Variants in KCNT2 observed in about 807,000 individuals in gnomAD.
KCNT2 encodes potassium channel subfamily T member 2.
Under a neutral mutation model 153.8 loss-of-function variants are expected in KCNT2, and 67 were observed. The observed-to-expected ratio is 0.44, with a 90% CI of 0.36 to 0.53. The LOEUF (loss-of-function observed/expected upper bound fraction) is 0.53, where lower values mean the gene tolerates loss of function less well. Ranked by LOEUF, KCNT2 falls within the 20% of genes least tolerant of loss-of-function variation. The probability of loss-of-function intolerance (pLI) is 0.00; values close to 1 mark genes in which losing one functional copy is unlikely to be tolerated. For missense variants in KCNT2, 975 were observed against 1,354.8 expected (o/e 0.72, Z 4.40); for synonymous variants, 500 against 458.8 (o/e 1.09, Z -1.15).
chr1:196,573,950 GGA>G (rs372397810), intron 1 of KCNT2, among the ~76,000 whole-genome samples: 14 of 150,392 alleles, frequency 9.3e-5, no homozygotes, highest in Admixed American at 5.3e-4. Context: ...TCTTGAAGGG[GGA>G]GAGAGAGAGA....
chr1:196,364,100 A>T (rs932811135), intron 14 of KCNT2, among the ~76,000 whole-genome samples: 28 of 152,140 alleles, frequency 1.8e-4, no homozygotes, highest in Non-Finnish European at 4.1e-4. Flanking sequence ...GAAAAAAAAT[A>T]AAATTCAAAT....
intron 1 of KCNT2, among the ~76,000 whole-genome samples, chr1:196,553,126 G>A (rs1572808151): frequency 6.6e-6 from 1 of 150,812 alleles, no homozygotes; most frequent in Admixed American, 6.6e-5. Context: ...CAGAGTGCCT[G>A]AATAGATGAA....
At chr1:196,325,161 T>C (rs1663715155) in intron 19 of KCNT2, among the ~76,000 whole-genome samples, 1 of 152,082 alleles carries the variant, frequency 6.6e-6, no homozygotes, top group Non-Finnish European at 1.5e-5. Flanking sequence ...GGTTTACACA[T>C]CAGGACAAGA....
intron 1 of KCNT2, among the ~76,000 whole-genome samples, chr1:196,523,072 A>G (rs1160774458): frequency 2.0e-5 from 3 of 152,132 alleles, no homozygotes; most frequent in Non-Finnish European, 2.9e-5. Flanking sequence ...TACCTTTTTG[A>G]GCTGTAACAC....
chr1:196,415,936 C>T (rs944062117), intron 12 of KCNT2, among the ~76,000 whole-genome samples: 4 of 152,040 alleles, frequency 2.6e-5, no homozygotes, highest in Non-Finnish European at 5.9e-5. Context: ...ACAGTTTTGC[C>T]TTCCCACAGT....
At chr1:196,257,215 A>G in intron 26 of KCNT2, 2 of 983,110 alleles carry the variant, frequency 2.0e-6, no homozygotes, top group Non-Finnish European at 2.4e-6. Flanking sequence ...TAGTTCCTGG[A>G]GTAGCACACA....
intron 13 of KCNT2, among the ~76,000 whole-genome samples, chr1:196,382,399 G>A (rs1669588764): frequency 6.6e-6 from 1 of 151,952 alleles, no homozygotes; most frequent in South Asian, 2.1e-4. Context: ...GAGCCACCGC[G>A]CCCGGCCTGT....
chr1:196,378,761 TATA>T (rs897699090), intron 13 of KCNT2, among the ~76,000 whole-genome samples: 2 of 147,998 alleles, frequency 1.4e-5, no homozygotes, highest in Non-Finnish European at 3.0e-5. Context: ...CAATATGTAA[TATA>T]ATATCTACTA....
At chr1:196,369,903 T>C (rs1405014689) in intron 14 of KCNT2, among the ~76,000 whole-genome samples, 2 of 152,084 alleles carry the variant, frequency 1.3e-5, no homozygotes, top group African/African-American at 4.8e-5. Context: ...ATCACCACAC[T>C]GCGAAGGACA....
intron 1 of KCNT2, among the ~76,000 whole-genome samples, chr1:196,506,702 C>T (rs568011332): frequency 6.6e-6 from 1 of 152,242 alleles, no homozygotes; most frequent in East Asian, 1.9e-4. Flanking sequence ...TCAATTACAA[C>T]ATCACTCTCC....
chr1:196,376,477 G>A (rs970393389), intron 13 of KCNT2, among the ~76,000 whole-genome samples: 2 of 151,538 alleles, frequency 1.3e-5, no homozygotes, highest in Non-Finnish European at 3.0e-5. Context: ...AGATAATTTC[G>A]TGTTTTACCA....
chr1:196,577,508 G>A (rs1257564608), intron 1 of KCNT2, among the ~76,000 whole-genome samples: 2 of 152,158 alleles, frequency 1.3e-5, no homozygotes, highest in East Asian at 3.9e-4. Flanking sequence ...ACAGATAATA[G>A]ATTCCAGAGA....
chr1:196,239,442 G>A (rs1306723474), intron 26 of KCNT2, among the ~76,000 whole-genome samples: 1 of 151,722 alleles, frequency 6.6e-6, no homozygotes, highest in Non-Finnish European at 1.5e-5. Flanking sequence ...ATATTAACTA[G>A]CATATACAAT....
At chr1:196,345,230 G>A (rs189265621) in intron 14 of KCNT2, among the ~76,000 whole-genome samples, 25 of 152,234 alleles carry the variant, frequency 1.6e-4, no homozygotes, top group East Asian at 3.9e-4. Context: ...ATAATTGTGG[G>A]GAGAAAAATA....
At chr1:196,481,691 G>T (rs6702372) in intron 4 of KCNT2, among the ~76,000 whole-genome samples, 7,736 of 152,162 alleles carry the variant, frequency 0.051, 666 homozygotes, top group African/African-American at 0.17. Context: ...AAGTTCACTG[G>T]GCATGAAATT....
chr1:196,479,110 T>C (rs1678784932), intron 5 of KCNT2, 69 bp downstream of exon 5: 3 of 1,024,792 alleles, frequency 2.9e-6, no homozygotes, highest in East Asian at 2.6e-5. Flanking sequence ...GAACTATAAA[T>C]AGAGGAATAC....
intron 1 of KCNT2, among the ~76,000 whole-genome samples, chr1:196,583,483 G>A (rs1407682764): frequency 1.3e-5 from 2 of 152,006 alleles, no homozygotes; most frequent in Admixed American, 1.3e-4. Context: ...TCATGATTTG[G>A]AAATCATCAA....
At chr1:196,350,455 C>A (rs1414007323) in intron 14 of KCNT2, among the ~76,000 whole-genome samples, 1 of 152,146 alleles carries the variant, frequency 6.6e-6, no homozygotes, top group Non-Finnish European at 1.5e-5. Context: ...CTCTGATGGC[C>A]AGTGATGATG....
At chr1:196,391,137 A>G (rs1021147778) in intron 13 of KCNT2, among the ~76,000 whole-genome samples, 4 of 151,248 alleles carry the variant, frequency 2.6e-5, no homozygotes, top group Admixed American at 1.3e-4. Context: ...CTAAAGCTCT[A>G]TGTAGTAAGG....
Sources: gnomAD v4.1 joint callset for allele counts (sites outside exome capture counted in the v4.1 genomes callset) on GRCh38, gnomAD v4.1.1 for gene constraint, MANE v1.5 for transcripts, NCBI Gene and HGNC (gene_info 2026-07-23, HGNC 2026-07-21) for gene names.